The following DDC variants were observed in gnomAD, a reference collection of about 807,000 sequenced individuals.
DDC encodes aromatic-L-amino-acid decarboxylase.
DDC carries 43 observed loss-of-function variants against 60.0 expected under a neutral mutation model. The ratio of observed to expected loss-of-function variants is 0.72; its 90% confidence interval spans 0.56 to 0.92. The LOEUF (loss-of-function observed/expected upper bound fraction) is 0.92, where lower values mean the gene tolerates loss of function less well. Ranked by LOEUF, DDC falls within the 40% of genes least tolerant of loss-of-function variation. DDC has a pLI of 0.00. For missense variants in DDC, 573 were observed against 620.2 expected (o/e 0.92, Z 0.81); for synonymous variants, 232 against 234.6 (o/e 0.99, Z 0.10).
chr7:50,560,637 G>A (rs953460320), intron 1 of DDC, among the ~76,000 whole-genome samples: 1 of 152,036 alleles, frequency 6.6e-6, no homozygotes, highest in African/African-American at 2.4e-5. Context: ...TGGCCTCCAC[G>A]GTCTCTACAT....
chr7:50,501,426 G>A (rs2043254073), intron 7 of DDC, among the ~76,000 whole-genome samples: 1 of 152,118 alleles, frequency 6.6e-6, no homozygotes, highest in Non-Finnish European at 1.5e-5. Flanking sequence ...AAACCTGCCA[G>A]ACAACTGATC....
chr7:50,497,941 C>T (rs369975340), intron 8 of DDC, among the ~76,000 whole-genome samples: 30 of 152,236 alleles, frequency 2.0e-4, no homozygotes, highest in African/African-American at 7.2e-4. Flanking sequence ...GGTATTACAG[C>T]ATTATGAGAA....
intron 1 of DDC, among the ~76,000 whole-genome samples, chr7:50,554,492 CT>C (rs1563052783): frequency 6.6e-6 from 1 of 152,192 alleles, no homozygotes; most frequent in Non-Finnish European, 1.5e-5. Context: ...TCCTTCCTCC[CT>C]TTCTAGGACA....
At chr7:50,548,082 T>C (rs148860205) in intron 1 of DDC, among the ~76,000 whole-genome samples, 1,693 of 152,350 alleles carry the variant, frequency 0.011, 33 homozygotes, top group African/African-American at 0.039. Context: ...TGGGACAGCA[T>C]GGACCACACC....
chr7:50,495,435 T>C lies in DDC; in HGVS notation c.877-18A>G. On this transcript the variant is annotated intron_variant, in intron 8 of 14. Coordinates refer to ENST00000444124, the MANE Select transcript of DDC (RefSeq NM_001082971.2). ...TCTGCAAACTGCCAAAGAACAAGAG[T>C]AAGAAAAAGAAAACATTTTCTTTAT... 1 of 1,580,906 alleles carries C rather than the reference T, an allele frequency of 6.3e-7. No homozygotes were observed. Among genetic ancestry groups the C allele is most frequent in the Non-Finnish European group, 8.7e-7 (1 of 1,151,276 alleles).
chr7:50,492,994 G>T, intron 9 of DDC: 1 of 1,598,104 alleles, frequency 6.3e-7, no homozygotes, highest in South Asian at 1.1e-5. Context: ...CATACGCACT[G>T]GTTGTCTGGA....
At chr7:50,494,910 G>A (rs4397355) in intron 9 of DDC, among the ~76,000 whole-genome samples, 95,507 of 151,874 alleles carry the variant, frequency 0.63, 30,411 homozygotes, top group Non-Finnish European at 0.69. Flanking sequence ...TGATCCACCC[G>A]CCTCGGCCTC....
chr7:50,480,485 G>A (rs908789106), intron 9 of DDC, among the ~76,000 whole-genome samples: 2 of 152,150 alleles, frequency 1.3e-5, no homozygotes, highest in African/African-American at 4.8e-5. Context: ...AGGGTTATGG[G>A]AACCCCCCTG....
chr7:50,538,347 A>G (rs2153548653), intron 3 of DDC, among the ~76,000 whole-genome samples: 1 of 152,310 alleles, frequency 6.6e-6, no homozygotes, highest in Middle Eastern at 3.4e-3. Context: ...CCCTCTGGGC[A>G]TCCCGAGAAG....
At chr7:50,533,680 A>G (rs2153547220) in intron 4 of DDC, among the ~76,000 whole-genome samples, 1 of 152,234 alleles carries the variant, frequency 6.6e-6, no homozygotes, top group East Asian at 1.9e-4. Context: ...CGAAAGGAAG[A>G]GAGAAATCAT....
At chr7:50,508,909 C>G (rs935244965) in intron 6 of DDC, among the ~76,000 whole-genome samples, 1 of 152,162 alleles carries the variant, frequency 6.6e-6, no homozygotes, top group South Asian at 2.1e-4. Flanking sequence ...CTTTTCTGAT[C>G]TCTGTACGCT....
At chr7:50,488,037 T>C (rs2042921951) in intron 9 of DDC, among the ~76,000 whole-genome samples, 2 of 152,158 alleles carry the variant, frequency 1.3e-5, no homozygotes, top group Admixed American at 1.3e-4. Flanking sequence ...AATACATTTA[T>C]TTAACCTTAA....
intron 8 of DDC, among the ~76,000 whole-genome samples, chr7:50,497,680 G>A (rs1235799973): frequency 6.6e-6 from 1 of 152,150 alleles, no homozygotes; most frequent in Non-Finnish European, 1.5e-5. Context: ...ATCACATTAT[G>A]AGAACTTCTC....
intron 11 of DDC, 93 bp downstream of exon 11, chr7:50,476,531 T>C (rs2042647395): frequency 1.7e-6 from 2 of 1,193,136 alleles, no homozygotes; most frequent in East Asian, 4.7e-5. Flanking sequence ...TGCGTGCTGA[T>C]CATGAGAGTG....
intron 6 of DDC, among the ~76,000 whole-genome samples, chr7:50,522,004 A>T (rs1316423266): frequency 6.6e-6 from 1 of 152,130 alleles, no homozygotes; most frequent in Non-Finnish European, 1.5e-5. Flanking sequence ...TTTGCAGATG[A>T]CATGGTTATC....
chr7:50,488,582 G>GA (rs1247085686), intron 9 of DDC, among the ~76,000 whole-genome samples: 5 of 151,994 alleles, frequency 3.3e-5, no homozygotes, highest in African/African-American at 1.2e-4. Context: ...TTCAGTAAAT[G>GA]GTTTGTGTAA....
At chr7:50,522,504 C>T (rs975830098) in intron 6 of DDC, among the ~76,000 whole-genome samples, 1 of 152,084 alleles carries the variant, frequency 6.6e-6, no homozygotes, top group Admixed American at 6.5e-5. Context: ...CATGACACTA[C>T]CCAAATTCAA....
chr7:50,480,948 C>T (rs1298371493), intron 9 of DDC, among the ~76,000 whole-genome samples: 3 of 152,334 alleles, frequency 2.0e-5, no homozygotes, highest in African/African-American at 7.2e-5. Flanking sequence ...AGGGCCTGTG[C>T]TTTACGGTAA....
chr7:50,535,309 G>A (rs550178828), intron 4 of DDC, among the ~76,000 whole-genome samples: 2 of 152,180 alleles, frequency 1.3e-5, no homozygotes, highest in South Asian at 4.2e-4. Context: ...ACCACACCTG[G>A]ATAATTTTTG....
Sources: gnomAD v4.1 joint callset for allele counts (sites outside exome capture counted in the v4.1 genomes callset) on GRCh38, gnomAD v4.1.1 for gene constraint, MANE v1.5 for transcripts, NCBI Gene and HGNC (gene_info 2026-07-23, HGNC 2026-07-21) for gene names.